The following RGS7 variants were observed in gnomAD, a reference collection of about 807,000 sequenced individuals.
RGS7 encodes the protein regulator of G-protein signaling 7.
RGS7 carries 27 observed loss-of-function variants against 81.1 expected under a neutral mutation model. The observed-to-expected ratio is 0.33, with a 90% CI of 0.25 to 0.46. The LOEUF is 0.46. Among genes scored for constraint, RGS7 ranks in the 20% least tolerant of loss-of-function variants. The pLI, the probability that RGS7 is intolerant of heterozygous loss-of-function variation, is 1.00. For synonymous variants in RGS7, 208 were observed against 207.7 expected (o/e 1.00, Z -0.01); for missense variants, 396 against 607.4 (o/e 0.65, Z 3.66).
rs758331434 is a variant in RGS7, at chr1:240,855,308, CAAAA to C, written c.609+13275_609+13278del. Among the ~76,000 whole-genome samples, 16 of 14,924 alleles carry C rather than the reference CAAAA, an allele frequency of 1.1e-3. 1 individual carries two copies. The highest frequency in any genetic ancestry group is 0.01 in the South Asian group (4 of 398). The allele number at this position is 14,924 out of a possible 152,430, so 9.8% of individuals were successfully genotyped here. ...TGGGCGACAGAGTGAGACCATGTCTCAAAAAAAAAAAAAAAAAAAGGAGAAACAA... is the reference window on the plus strand; with the variant it reads ...TGGGCGACAGAGTGAGACCATGTCTCAAAAAAAAAAAAAAAGGAGAAACAA... On this transcript the variant is annotated intron_variant, in intron 9 of 18. Coordinates refer to ENST00000440928, the MANE Select transcript of RGS7 (RefSeq NM_001364886.1).
chr1:240,845,273 T>C (rs1255429427), intron 9 of RGS7, among the ~76,000 whole-genome samples: 1 of 152,186 alleles, frequency 6.6e-6, no homozygotes, highest in Non-Finnish European at 1.5e-5. Context: ...GCTGATAATA[T>C]GTAGCCGCCT....
intron 3 of RGS7, among the ~76,000 whole-genome samples, chr1:241,018,769 C>T (rs1322584011): frequency 6.6e-6 from 1 of 151,956 alleles, no homozygotes; most frequent in Non-Finnish European, 1.5e-5. Context: ...GAGGTTTTTC[C>T]TCTACTTTCC....
At chr1:241,293,510 A>T (rs2079207736) in intron 2 of RGS7, among the ~76,000 whole-genome samples, 1 of 152,178 alleles carries the variant, frequency 6.6e-6, no homozygotes, top group Admixed American at 6.5e-5. Context: ...AGGTGGAAAC[A>T]GTGATATGGA....
At chr1:240,843,010 CAAA>C (rs1312406715) in intron 9 of RGS7, among the ~76,000 whole-genome samples, 1 of 151,464 alleles carries the variant, frequency 6.6e-6, no homozygotes, top group African/African-American at 2.4e-5. Flanking sequence ...TAAAAAAATA[CAAA>C]AATTAGCTAG....
At chr1:240,923,101 C>T (rs1266768093) in intron 6 of RGS7, among the ~76,000 whole-genome samples, 2 of 152,026 alleles carry the variant, frequency 1.3e-5, no homozygotes, top group Non-Finnish European at 2.9e-5. Context: ...AAAGGCTCTA[C>T]ACTGTGTAAT....
chr1:240,862,959 G>A (rs980124544), intron 9 of RGS7, among the ~76,000 whole-genome samples: 2 of 149,208 alleles, frequency 1.3e-5, no homozygotes, highest in Non-Finnish European at 3.0e-5. Flanking sequence ...GTGTGTGTTT[G>A]TGTGTGTATT....
chr1:240,873,426 A>G (rs1342189714), intron 6 of RGS7, among the ~76,000 whole-genome samples: 2 of 152,202 alleles, frequency 1.3e-5, no homozygotes, highest in Admixed American at 1.3e-4. Context: ...CAAACAAGTA[A>G]TTTAACAGGA....
chr1:241,176,616 C>T (rs574057587), intron 2 of RGS7, among the ~76,000 whole-genome samples: 2 of 152,196 alleles, frequency 1.3e-5, no homozygotes, highest in South Asian at 4.2e-4. Flanking sequence ...GGCACTGGGG[C>T]TTATATTTTT....
Position 241,215,633 on chromosome 1 carries a change from C to A in RGS7, c.79-116871G>T, listed in dbSNP as rs114180072. 1.3e-3 allele frequency among the ~76,000 whole-genome samples: 191 copies of A among 152,220 alleles called. 2 individuals are homozygous for A. Among genetic ancestry groups the A allele is most frequent in the African/African-American group, 4.5e-3 (187 of 41,536 alleles). Reference sequence around the variant, plus strand: ...CTGACTCCTCAGGCAAATAGGACTTCAAAAATTTTTTTTGGCCTCAGTTCT... The same window carrying A: ...CTGACTCCTCAGGCAAATAGGACTTAAAAAATTTTTTTTGGCCTCAGTTCT... On this transcript the variant is annotated intron_variant, in intron 2 of 18. Transcript: ENST00000440928.
chr1:240,932,417 G>C (rs948855625), intron 5 of RGS7, among the ~76,000 whole-genome samples: 6 of 152,018 alleles, frequency 3.9e-5, no homozygotes, highest in African/African-American at 9.7e-5. Flanking sequence ...ATGAAGCTTT[G>C]AGAATTCGAT....
chr1:241,244,154 A>G (rs1381379256), intron 2 of RGS7, among the ~76,000 whole-genome samples: 1 of 152,162 alleles, frequency 6.6e-6, no homozygotes, highest in East Asian at 1.9e-4. Context: ...AGAAACTACC[A>G]TCAGAGTGAA....
intron 2 of RGS7, among the ~76,000 whole-genome samples, chr1:241,337,404 C>T (rs2082305253): frequency 6.6e-6 from 1 of 152,056 alleles, no homozygotes; most frequent in Admixed American, 6.6e-5. Context: ...AGACCCCACA[C>T]AATTGGGAAA....
At chr1:240,992,004 A>G (rs1686525086) in intron 3 of RGS7, among the ~76,000 whole-genome samples, 1 of 152,206 alleles carries the variant, frequency 6.6e-6, no homozygotes, top group Non-Finnish European at 1.5e-5. Context: ...GGATAGGCAC[A>G]GACCTCATCA....
intron 6 of RGS7, among the ~76,000 whole-genome samples, chr1:240,872,308 G>A (rs1281111288): frequency 6.6e-6 from 1 of 152,062 alleles, no homozygotes; most frequent in Non-Finnish European, 1.5e-5. Context: ...AGAAAGACAG[G>A]AAGCAGGGCA....
At chr1:241,320,078 G>A (rs1030849046) in intron 2 of RGS7, among the ~76,000 whole-genome samples, 1 of 152,098 alleles carries the variant, frequency 6.6e-6, no homozygotes, top group African/African-American at 2.4e-5. Context: ...GCAACAGAGC[G>A]AGACTCCACG....
At chr1:241,073,591 A>T (rs1301050699) in intron 3 of RGS7, among the ~76,000 whole-genome samples, 1 of 152,224 alleles carries the variant, frequency 6.6e-6, no homozygotes, top group Non-Finnish European at 1.5e-5. Context: ...TATTGTCAGT[A>T]ATGTGGTGAA....
chr1:240,812,080 CA>C, intron 13 of RGS7, 37 bp from the exon 14 acceptor site: 1 of 1,612,816 alleles, frequency 6.2e-7, no homozygotes, highest in Non-Finnish European at 8.5e-7. Flanking sequence ...ACATTCCTTT[CA>C]TTAGAATTCC....
At chr1:240,840,075 A>G (rs897667484) in intron 9 of RGS7, among the ~76,000 whole-genome samples, 2 of 152,024 alleles carry the variant, frequency 1.3e-5, no homozygotes, top group Non-Finnish European at 2.9e-5. Flanking sequence ...GACTATCACA[A>G]CAGCCTTCTT....
intron 2 of RGS7, among the ~76,000 whole-genome samples, chr1:241,150,958 T>C (rs2068703423): frequency 6.6e-6 from 1 of 152,090 alleles, no homozygotes. Flanking sequence ...GGAATCCGGA[T>C]GTCCAAGGCC....
Sources: gnomAD v4.1 joint callset for allele counts (sites outside exome capture counted in the v4.1 genomes callset) on GRCh38, gnomAD v4.1.1 for gene constraint, MANE v1.5 for transcripts, NCBI Gene and HGNC (gene_info 2026-07-23, HGNC 2026-07-21) for gene names.